The following TSN variants were observed in gnomAD, a reference collection of about 807,000 sequenced individuals.
TSN encodes translin.
A neutral mutation model predicts 29.4 loss-of-function variants in TSN; 5 were observed. The observed-to-expected ratio is 0.17, with a 90% CI of 0.09 to 0.36. The LOEUF is 0.36. Among genes scored for constraint, TSN ranks in the 10% least tolerant of loss-of-function variants. The probability of loss-of-function intolerance (pLI) is 1.00; values close to 1 mark genes in which losing one functional copy is unlikely to be tolerated. For missense variants in TSN, 159 were observed against 272.8 expected, an observed-to-expected ratio of 0.58 and a Z score of 2.94; for synonymous variants, 106 against 102.2, an observed-to-expected ratio of 1.04 and a Z score of -0.23.
At chr2:121,763,804 T>A (rs554291338) in intron 5 of TSN, among the ~76,000 whole-genome samples, 1 of 152,272 alleles carries the variant, frequency 6.6e-6, no homozygotes, top group East Asian at 1.9e-4. Flanking sequence ...AAGCTGTCAG[T>A]AGCAAAATTG....
chr2:121,757,103 C>T, intron 1 of TSN, 137 bp from the exon 2 acceptor site: 1 of 773,060 alleles, frequency 1.3e-6, no homozygotes, highest in South Asian at 1.9e-5. Flanking sequence ...TTTTTGAAGT[C>T]TTACAGAGGA....
At chr2:121,759,530 C>T (rs1389831359) in intron 3 of TSN, among the ~76,000 whole-genome samples, 1 of 152,094 alleles carries the variant, frequency 6.6e-6, no homozygotes, top group Non-Finnish European at 1.5e-5. Context: ...ATCGCTTGAA[C>T]CAGGCAGGCG....
chr2:121,756,732 C>A (rs1164209886), intron 1 of TSN: 1 of 651,636 alleles, frequency 1.5e-6, no homozygotes, highest in Non-Finnish European at 2.3e-6. Flanking sequence ...TGGGGAAACC[C>A]TGTCTCTACT....
At chr2:121,756,506 T>G (rs1225942175) in intron 1 of TSN, 1 of 454,966 alleles carries the variant, frequency 2.2e-6, no homozygotes, top group Non-Finnish European at 3.8e-6. Flanking sequence ...AAAAAAATCT[T>G]CTCCCTCATT....
chr2:121,758,281 TGC>T (rs1171405847), intron 2 of TSN, among the ~76,000 whole-genome samples: 1 of 152,234 alleles, frequency 6.6e-6, no homozygotes, highest in Non-Finnish European at 1.5e-5. Context: ...CATTTACACG[TGC>T]CAGAGGCAAG....
chr2:121,762,419 C>T (rs958303844), intron 4 of TSN, among the ~76,000 whole-genome samples: 5 of 152,364 alleles, frequency 3.3e-5, no homozygotes, highest in African/African-American at 9.6e-5. Flanking sequence ...TGAGCCACCA[C>T]GCCTGGCCTT....
intron 1 of TSN, 76 bp downstream of exon 1, chr2:121,755,921 G>T (rs2074739363): frequency 6.2e-7 from 1 of 1,601,380 alleles, no homozygotes; most frequent in African/African-American, 1.3e-5. Flanking sequence ...CTCCTCTGTC[G>T]CTCAGTCTCG....
At chr2:121,760,704 A>T (rs1056585273) in intron 3 of TSN, among the ~76,000 whole-genome samples, 1 of 152,154 alleles carries the variant, frequency 6.6e-6, no homozygotes, top group East Asian at 1.9e-4. Context: ...TTCTGCACTC[A>T]AATCAAAATG....
rs1459146141 is a variant in TSN at position 121,765,407 on chromosome 2, T to C, written c.*40T>C. 2 of 1,599,702 alleles carry C rather than the reference T, an allele frequency of 1.3e-6. No individual in the cohort carries two copies. The highest frequency in any genetic ancestry group is 8.6e-7 in the Non-Finnish European group (1 of 1,167,668). On this transcript the variant is annotated 3_prime_UTR_variant, in exon 6 of 6. Transcript: ENST00000389682. ...TCCTGGCCTTGCTGACCTCAGCGGTTGCCAGGAAGGGGTGAGCACAGAGTG... is the reference window on the plus strand; with the variant it reads ...TCCTGGCCTTGCTGACCTCAGCGGTCGCCAGGAAGGGGTGAGCACAGAGTG...
rs75795205 is a variant in TSN at position 121,766,655 on chromosome 2, A to G, written c.*1288A>G. Reference sequence around the variant, plus strand: ...GAGTATGTGCCAGGAAACTCTTGCTATTGAATTGAGATGATTAAAATGGTG... The same window carrying G: ...GAGTATGTGCCAGGAAACTCTTGCTGTTGAATTGAGATGATTAAAATGGTG... On this transcript the variant is annotated 3_prime_UTR_variant, in exon 6 of 6. Coordinates refer to ENST00000389682, the MANE Select transcript of TSN (RefSeq NM_004622.3). 3 of 152,278 alleles carry G rather than the reference A, an allele frequency of 2.0e-5. No individual in the cohort carries two copies. Among genetic ancestry groups the G allele is most frequent in the South Asian group, 2.1e-4 (1 of 4,828 alleles). The allele number at this position is 152,278 out of a possible 1,614,324, so 9.4% of individuals were successfully genotyped here.
At chr2:121,757,208 A>C (rs371018533) in intron 1 of TSN, 32 bp from the exon 2 acceptor site, 205 of 1,586,212 alleles carry the variant, frequency 1.3e-4, no homozygotes, top group Non-Finnish European at 1.7e-4. Context: ...GATTCTGTTG[A>C]GTATCTGATT....
chr2:121,764,882 C>A (rs1052184582), intron 5 of TSN, among the ~76,000 whole-genome samples: 12 of 152,166 alleles, frequency 7.9e-5, no homozygotes, highest in African/African-American at 2.9e-4. Flanking sequence ...CTTTATTATG[C>A]AATAGCCAGT....
In TSN at chr2:121,763,104, G is replaced by T; in HGVS notation, c.453+20G>T. The T allele has an allele frequency of 6.6e-7, 1 of 1,507,966 alleles. No homozygotes were observed. The highest frequency in any genetic ancestry group is 1.5e-5 in the African/African-American group (1 of 68,762). 93.4% of individuals were successfully genotyped at this position (1,507,966 alleles called of 1,614,324 possible). On this transcript the variant is annotated intron_variant, in intron 5 of 5. Coordinates refer to ENST00000389682, the MANE Select transcript of TSN (RefSeq NM_004622.3). Reference sequence around the variant, plus strand: ...GAACTGGTAAGCTCAGTAACTTGCTGGTTGCTTTTTTGATCTTTCTGCTTC... The same window carrying T: ...GAACTGGTAAGCTCAGTAACTTGCTTGTTGCTTTTTTGATCTTTCTGCTTC...
chr2:121,762,565 A>G (rs2074847358), intron 4 of TSN, among the ~76,000 whole-genome samples: 1 of 152,254 alleles, frequency 6.6e-6, no homozygotes, highest in South Asian at 2.1e-4. Flanking sequence ...AAAAATTTCA[A>G]GCCTACAGAA....
intron 1 of TSN, 100 bp downstream of exon 1, chr2:121,755,945 C>T (rs2074739739): frequency 6.3e-7 from 1 of 1,575,654 alleles, no homozygotes; most frequent in Admixed American, 1.8e-5. Flanking sequence ...GGTGGGGACG[C>T]CTCCGAGGGT....
At chr2:121,756,511 C>G (rs936298574) in intron 1 of TSN, 23 of 506,676 alleles carry the variant, frequency 4.5e-5, no homozygotes, top group South Asian at 4.2e-4. Context: ...AATCTTCTCC[C>G]TCATTGTATG....
At chr2:121,757,533 A>AGGCAGG (rs1271123313) in intron 2 of TSN, 200 bp downstream of exon 2, 2 of 1,030,172 alleles carry the variant, frequency 1.9e-6, no homozygotes, top group African/African-American at 3.2e-5. Flanking sequence ...TTCTATTGCG[A>AGGCAGG]GGGCATTCTA....
chr2:121,758,886 C>T (rs1439485010), intron 3 of TSN, 80 bp downstream of exon 3: 5 of 920,320 alleles, frequency 5.4e-6, no homozygotes, highest in African/African-American at 1.7e-5. Flanking sequence ...TGATTGCTTA[C>T]AACTAGGCAA....
chr2:121,762,040 T>C (rs2074838032), intron 4 of TSN, among the ~76,000 whole-genome samples: 1 of 151,678 alleles, frequency 6.6e-6, no homozygotes, highest in Admixed American at 6.6e-5. Context: ...TTGCCCAGGC[T>C]GTAGTGCAAT....
Sources: allele counts gnomAD v4.1 joint callset (sites outside exome capture counted in the v4.1 genomes callset), GRCh38; gene constraint gnomAD v4.1.1; transcripts MANE v1.5; gene names NCBI Gene and HGNC (gene_info 2026-07-23, HGNC 2026-07-21).